Variants in CLVS1 observed in about 807,000 individuals in gnomAD.
CLVS1 encodes clavesin-1.
In CLVS1, 10 loss-of-function variants were observed where a neutral mutation model predicts 33.1. The ratio of observed to expected loss-of-function variants is 0.30; its 90% CI spans 0.19 to 0.51. The LOEUF is 0.51. Among genes scored for constraint, CLVS1 ranks in the 20% least tolerant of loss-of-function variants. The pLI is 0.97. For synonymous variants in CLVS1, 163 were observed against 166.1 expected (o/e 0.98, Z 0.14); for missense variants, 343 against 433.4 (o/e 0.79, Z 1.85).
chr8:61,387,466 C>CTTTTTTTTTT (rs372983692), intron 3 of CLVS1, among the ~76,000 whole-genome samples: 12 of 109,264 alleles, frequency 1.1e-4, no homozygotes, highest in Non-Finnish European at 1.8e-4. Context: ...TGTACAGTTC[C>CTTTTTTTTTT]TTTTTTTTTT....
chr8:61,417,333 C>A (rs1029948137), intron 3 of CLVS1, among the ~76,000 whole-genome samples: 4 of 152,202 alleles, frequency 2.6e-5, no homozygotes, highest in African/African-American at 9.6e-5. Flanking sequence ...TGGAATACAT[C>A]TGAATCTATG....
chr8:61,265,317 T>C (rs1007793649), intron 2 of CLVS1, among the ~76,000 whole-genome samples: 1 of 152,238 alleles, frequency 6.6e-6, no homozygotes, highest in Non-Finnish European at 1.5e-5. Context: ...CTGCCAAGTG[T>C]TCAAATCCCA....
chr8:61,400,813 C>T (rs558319768), intron 3 of CLVS1, among the ~76,000 whole-genome samples: 1 of 152,114 alleles, frequency 6.6e-6, no homozygotes, highest in Non-Finnish European at 1.5e-5. Flanking sequence ...GTCTTTAGTT[C>T]TGTTTATGTG....
chr8:61,273,571 C>A (rs1164350656), intron 2 of CLVS1, among the ~76,000 whole-genome samples: 1 of 152,260 alleles, frequency 6.6e-6, no homozygotes, highest in Non-Finnish European at 1.5e-5. Context: ...CGGGCAATGG[C>A]GGGCGCCCCT....
At chr8:61,215,313 G>C (rs1237796873) in intron 2 of CLVS1, among the ~76,000 whole-genome samples, 1 of 151,964 alleles carries the variant, frequency 6.6e-6, no homozygotes, top group Non-Finnish European at 1.5e-5. Flanking sequence ...TTTTATAATG[G>C]GCTATATAAA....
intron 2 of CLVS1, among the ~76,000 whole-genome samples, chr8:61,222,898 A>C (rs1003671268): frequency 6.8e-6 from 1 of 146,716 alleles, no homozygotes; most frequent in Non-Finnish European, 1.5e-5. Context: ...TGTTGAATTG[A>C]TTCCTTTACC....
intron 2 of CLVS1, among the ~76,000 whole-genome samples, chr8:61,241,298 G>A (rs576833980): frequency 1.3e-5 from 2 of 152,208 alleles, no homozygotes; most frequent in Non-Finnish European, 1.5e-5. Flanking sequence ...CAATTAAGGT[G>A]ATTATTTGAT....
intron 3 of CLVS1, among the ~76,000 whole-genome samples, chr8:61,434,918 G>A (rs1816263335): frequency 6.6e-6 from 1 of 152,192 alleles, no homozygotes; most frequent in African/African-American, 2.4e-5. Context: ...AAGAGACTTT[G>A]CAGGGCAATA....
chr8:61,177,294 C>G (rs1212936672), intron 2 of CLVS1, among the ~76,000 whole-genome samples: 3 of 152,174 alleles, frequency 2.0e-5, no homozygotes, highest in African/African-American at 4.8e-5. Flanking sequence ...GCAGGAACTT[C>G]AACTGCAGCC....
intron 2 of CLVS1, among the ~76,000 whole-genome samples, chr8:61,326,295 T>TGG (rs1278183261): frequency 1.3e-5 from 2 of 152,168 alleles, no homozygotes; most frequent in Non-Finnish European, 1.5e-5. Context: ...GTGACTTGAG[T>TGG]GCCTGGTTCT....
intron 3 of CLVS1, among the ~76,000 whole-genome samples, chr8:61,403,153 G>A (rs1485213466): frequency 6.6e-6 from 1 of 152,128 alleles, no homozygotes; most frequent in Non-Finnish European, 1.5e-5. Context: ...GCTATTGAGG[G>A]AAAAATGTTC....
the CLVS1 span, among the ~76,000 whole-genome samples, chr8:60,978,999 C>A: frequency 6.6e-6 from 1 of 152,052 alleles, no homozygotes; most frequent in Non-Finnish European, 1.5e-5. Context: ...CACCTACATA[C>A]TCTATATTTT....
At chr8:61,324,311 T>A (rs1454210718) in intron 2 of CLVS1, among the ~76,000 whole-genome samples, 1 of 151,530 alleles carries the variant, frequency 6.6e-6, no homozygotes, top group Non-Finnish European at 1.5e-5. Context: ...CTCATGAGAT[T>A]GGATGGTTTT....
chr8:61,361,209 T>G (rs929841218), intron 2 of CLVS1, among the ~76,000 whole-genome samples: 6 of 152,138 alleles, frequency 3.9e-5, no homozygotes, highest in African/African-American at 1.4e-4. Flanking sequence ...AGGCCCCACC[T>G]CCAACAATTG....
intron 1 of CLVS1, among the ~76,000 whole-genome samples, chr8:61,068,462 C>T (rs897132974): frequency 6.6e-6 from 1 of 151,830 alleles, no homozygotes; most frequent in Non-Finnish European, 1.5e-5. Flanking sequence ...TAACTGGTGG[C>T]CCTCAAGCTT....
At chr8:61,100,739 C>G (rs781224536) in intron 1 of CLVS1, among the ~76,000 whole-genome samples, 1 of 152,144 alleles carries the variant, frequency 6.6e-6, no homozygotes, top group Non-Finnish European at 1.5e-5. Context: ...CTGTTCCCAC[C>G]TAGCACCCTC....
At chr8:61,498,599 T>C (rs1284819362) in intron 5 of CLVS1, among the ~76,000 whole-genome samples, 1 of 152,230 alleles carries the variant, frequency 6.6e-6, no homozygotes, top group African/African-American at 2.4e-5. Flanking sequence ...AAATCATTAT[T>C]ACTCCAGTAT....
chr8:60,966,731 A>G, the CLVS1 span, among the ~76,000 whole-genome samples: 1 of 152,214 alleles, frequency 6.6e-6, no homozygotes. Flanking sequence ...CTGTTGAATG[A>G]ACATGTAAGA....
In CLVS1 at chr8:61,401,681, A is replaced by G. The variant is rs568272755; in HGVS notation, c.630+24902A>G. ...CTATTCCCATGAAACTACCATTGAC[A>G]TTCTTCACAGTTTTAGAAAAAAACT... On this transcript the variant is annotated intron_variant, in intron 3 of 5. Coordinates refer to ENST00000325897, the MANE Select transcript of CLVS1 (RefSeq NM_173519.3). 5.3e-5 allele frequency among the ~76,000 whole-genome samples: 8 copies of G among 152,334 alleles called. No homozygotes were observed. The East Asian group carries it at 1.5e-3, about 29-fold the overall frequency.
Sources: gnomAD v4.1 joint callset for allele counts (sites outside exome capture counted in the v4.1 genomes callset) on GRCh38, gnomAD v4.1.1 for gene constraint, MANE v1.5 for transcripts, NCBI Gene and HGNC (gene_info 2026-07-23, HGNC 2026-07-21) for gene names.